BCAS4: variants seen among roughly 807,000 people sequenced by gnomAD.
BCAS4 encodes breast carcinoma-amplified sequence 4.
BCAS4 carries 9 observed loss-of-function variants against 15.7 expected under a neutral mutation model. The ratio of observed to expected loss-of-function variants is 0.57; its 90% CI spans 0.34 to 1.00. BCAS4 has a LOEUF of 1.00. BCAS4 is among the 50% of genes least tolerant of loss of function. BCAS4 has a pLI of 0.02. For missense variants in BCAS4, 225 were observed against 239.1 expected, an observed-to-expected ratio of 0.94 and a Z score of 0.39; for synonymous variants, 101 against 99.5, an observed-to-expected ratio of 1.02 and a Z score of -0.09.
At position 50,818,204 on chromosome 20, in the gene BCAS4, T is replaced by G; in HGVS notation, c.91-7T>G. The stretch of plus-strand genomic sequence containing the variant: ...TGCTAATCTCCAGGATATCGTCTCT[T>G]TTTCAGGCGAAGGAGGTGGAGGAGA... On this transcript the variant is annotated splice_region_variant and splice_polypyrimidine_tract_variant and intron_variant, in intron 1 of 4. Coordinates refer to ENST00000371608, the MANE Select transcript of BCAS4 (RefSeq NM_198799.4). 2 of 1,613,852 alleles carry G rather than the reference T, an allele frequency of 1.2e-6. No individual in the cohort carries two copies. The highest frequency in any genetic ancestry group is 1.7e-6 in the Non-Finnish European group (2 of 1,179,940).
At chr20:50,840,772 G>C in intron 3 of BCAS4, 1 of 1,559,632 alleles carries the variant, frequency 6.4e-7, no homozygotes, top group Non-Finnish European at 8.8e-7. Context: ...GAAGCGGAGC[G>C]AGGCACGCGA....
rs189016151 is a variant in BCAS4 at position 50,798,891 on chromosome 20, A to G, written c.90+3718A>G. 1.2e-3 allele frequency among the ~76,000 whole-genome samples: 178 copies of G among 152,318 alleles called. 1 individual carries two copies. The highest frequency in any genetic ancestry group is 4.1e-3 in the African/African-American group (172 of 41,566). ...ACTGGGATGGTGTTATGTTGATTTT[A>G]TAGGTCAGCAAACAGAGGCTCTCAT... is the stretch of plus-strand genomic sequence containing the variant. On this transcript the variant is annotated intron_variant, in intron 1 of 4. Coordinates refer to ENST00000371608, the MANE Select transcript of BCAS4 (RefSeq NM_198799.4).
chr20:50,855,267 T>A (rs1010872629), intron 4 of BCAS4, among the ~76,000 whole-genome samples: 15 of 152,118 alleles, frequency 9.9e-5, no homozygotes, highest in African/African-American at 3.4e-4. Context: ...CCCATCTCCA[T>A]CTCTGTTGGT....
chr20:50,845,524 T>C (rs6096120), intron 4 of BCAS4, among the ~76,000 whole-genome samples: 3,328 of 152,214 alleles, frequency 0.022, 43 homozygotes, highest in East Asian at 0.046. Flanking sequence ...CCTGTTCCAA[T>C]GCCCGGCATA....
At chr20:50,848,605 G>T (rs1377500936) in intron 4 of BCAS4, among the ~76,000 whole-genome samples, 1 of 152,244 alleles carries the variant, frequency 6.6e-6, no homozygotes, top group African/African-American at 2.4e-5. Flanking sequence ...GCAGGGGAGG[G>T]ACTTGGCCAA....
intron 1 of BCAS4, among the ~76,000 whole-genome samples, chr20:50,804,383 G>C (rs921383274): frequency 9.9e-5 from 15 of 152,156 alleles, no homozygotes; most frequent in African/African-American, 3.4e-4. Context: ...TTATATGAAT[G>C]CACAGGAGCT....
At chr20:50,866,020 G>A (rs1055416493) in intron 4 of BCAS4, among the ~76,000 whole-genome samples, 8 of 152,176 alleles carry the variant, frequency 5.3e-5, no homozygotes, top group Non-Finnish European at 1.0e-4. Context: ...GGGGCCGGCG[G>A]TAGTGGGGGC....
intron 1 of BCAS4, among the ~76,000 whole-genome samples, chr20:50,816,760 G>A (rs2088141990): frequency 6.7e-6 from 1 of 149,700 alleles, no homozygotes; most frequent in Non-Finnish European, 1.5e-5. Context: ...GGGTAGCTGG[G>A]ACTACAGACA....
chr20:50,807,725 T>C (rs897178777), intron 1 of BCAS4, among the ~76,000 whole-genome samples: 6 of 152,166 alleles, frequency 3.9e-5, no homozygotes, highest in Admixed American at 1.3e-4. Flanking sequence ...TGCGTCCTCA[T>C]AGCTTAGCTC....
At chr20:50,798,943 C>T (rs1253546412) in intron 1 of BCAS4, among the ~76,000 whole-genome samples, 1 of 152,128 alleles carries the variant, frequency 6.6e-6, no homozygotes, top group Non-Finnish European at 1.5e-5. Context: ...TGTGGATGGA[C>T]CGTAATTTAT....
chr20:50,823,214 C>T (rs1012543538), intron 2 of BCAS4, among the ~76,000 whole-genome samples: 2 of 151,904 alleles, frequency 1.3e-5, no homozygotes, highest in African/African-American at 4.8e-5. Context: ...GTGGCATACA[C>T]CTGTAGTACC....
At chr20:50,870,649 AT>A (rs1479860464) in intron 4 of BCAS4, among the ~76,000 whole-genome samples, 2 of 152,146 alleles carry the variant, frequency 1.3e-5, no homozygotes, top group East Asian at 3.9e-4. Flanking sequence ...CAATGGTCTG[AT>A]TTTCCAAGAG....
chr20:50,821,717 C>A (rs1463650000), intron 2 of BCAS4, among the ~76,000 whole-genome samples: 1 of 152,166 alleles, frequency 6.6e-6, no homozygotes, highest in East Asian at 1.9e-4. Context: ...TAGAGAGAAG[C>A]CACTTCCTTT....
chr20:50,822,323 T>C (rs753620252), intron 2 of BCAS4, among the ~76,000 whole-genome samples: 1 of 152,190 alleles, frequency 6.6e-6, no homozygotes, highest in Non-Finnish European at 1.5e-5. Flanking sequence ...TGTAGTTTAT[T>C]GGTCAAAGCA....
At chr20:50,831,815 C>G (rs929393746) in intron 3 of BCAS4, among the ~76,000 whole-genome samples, 3 of 152,132 alleles carry the variant, frequency 2.0e-5, no homozygotes, top group African/African-American at 7.2e-5. Flanking sequence ...AGTCACCTGG[C>G]CAGAGGGAAC....
intron 4 of BCAS4, among the ~76,000 whole-genome samples, chr20:50,873,507 G>A (rs749073296): frequency 6.6e-6 from 1 of 152,216 alleles, no homozygotes; most frequent in Non-Finnish European, 1.5e-5. Flanking sequence ...TCACTTGAAT[G>A]TTGCATTTTC....
chr20:50,817,650 C>T (rs759583881), intron 1 of BCAS4, among the ~76,000 whole-genome samples: 6 of 152,006 alleles, frequency 3.9e-5, no homozygotes, highest in Admixed American at 1.3e-4. Context: ...TGAGTAGAGA[C>T]GGGGTTCTGC....
rs531877867 is a variant in BCAS4, at chr20:50,814,726, GAA to G, written c.91-3483_91-3482del. 6.2e-3 allele frequency among the ~76,000 whole-genome samples: 950 copies of G among 152,350 alleles called. 12 individuals carry two copies. Among genetic ancestry groups the G allele is most frequent in the African/African-American group, 0.022 (915 of 41,578 alleles). The stretch of plus-strand genomic sequence containing the variant: ...CTGTTTCTCAATCCGTAAAAAGAGG[GAA>G]ATAGTAGCACCTACTGCATAGGGTT... On this transcript the variant is annotated intron_variant, in intron 1 of 4. Transcript: ENST00000371608.
At chr20:50,803,187 A>G (rs968155112) in intron 1 of BCAS4, among the ~76,000 whole-genome samples, 1 of 152,234 alleles carries the variant, frequency 6.6e-6, no homozygotes, top group Admixed American at 6.5e-5. Context: ...TCTCAAAAAC[A>G]AAACACGTTC....
Sources: gnomAD v4.1 joint callset for allele counts (sites outside exome capture counted in the v4.1 genomes callset) on GRCh38, gnomAD v4.1.1 for gene constraint, MANE v1.5 for transcripts, NCBI Gene and HGNC (gene_info 2026-07-23, HGNC 2026-07-21) for gene names.